Variants in RBM20 observed in about 807,000 individuals in gnomAD.
RBM20 encodes the protein RNA-binding protein 20.
A neutral mutation model predicts 110.1 loss-of-function variants in RBM20; 51 were observed. The ratio of observed to expected loss-of-function variants is 0.46; its 90% CI spans 0.37 to 0.59. The LOEUF (loss-of-function observed/expected upper bound fraction) is 0.59. RBM20 is among the 20% of genes least tolerant of loss of function. The pLI, the probability that RBM20 is intolerant of heterozygous loss-of-function variation, is 0.00. For missense variants in RBM20, 1,512 were observed against 1,574.9 expected (o/e 0.96, Z 0.68); for synonymous variants, 589 against 618.2 (o/e 0.95, Z 0.70).
chr10:110,674,870 T>G (rs1256453542), intron 1 of RBM20, among the ~76,000 whole-genome samples: 1 of 152,248 alleles, frequency 6.6e-6, no homozygotes, highest in Non-Finnish European at 1.5e-5. Flanking sequence ...TCTGTGTGTG[T>G]GCACACACTA....
At chr10:110,725,348 T>C (rs1843549661) in intron 1 of RBM20, among the ~76,000 whole-genome samples, 1 of 152,194 alleles carries the variant, frequency 6.6e-6, no homozygotes, top group African/African-American at 2.4e-5. Flanking sequence ...CCATGGACCC[T>C]TGTGGGGGAC....
At chr10:110,702,152 T>A (rs1862768890) in intron 1 of RBM20, among the ~76,000 whole-genome samples, 1 of 152,158 alleles carries the variant, frequency 6.6e-6, no homozygotes, top group African/African-American at 2.4e-5. Flanking sequence ...TGGGCAAAAG[T>A]GGGAAGTTGC....
At chr10:110,666,199 T>C (rs1224754435) in intron 1 of RBM20, among the ~76,000 whole-genome samples, 1 of 152,192 alleles carries the variant, frequency 6.6e-6, no homozygotes, top group Non-Finnish European at 1.5e-5. Context: ...TGGAAATCAT[T>C]ATATTATTCT....
At chr10:110,654,959 G>A (rs571421596) in intron 1 of RBM20, among the ~76,000 whole-genome samples, 3 of 152,242 alleles carry the variant, frequency 2.0e-5, no homozygotes, top group South Asian at 2.1e-4. Flanking sequence ...AATCCTGTGA[G>A]GTAAGTGTTG....
Position 110,701,039 on chromosome 10 carries a change from A to G in RBM20, c.191+56394A>G, listed in dbSNP as rs552668894. On this transcript the variant is annotated intron_variant, in intron 1 of 13. Transcript: ENST00000369519. The stretch of plus-strand genomic sequence containing the variant: ...CAAAAAAACAAAACAAAGCAAACAA[A>G]CAAACAAAAACCTCTCTTTGCTTCT... Among the ~76,000 whole-genome samples the G allele has an allele frequency of 5.3e-5, 8 of 152,162 alleles. No individual in the cohort carries two copies. The East Asian group carries it at 1.4e-3, about 26-fold the overall frequency.
At chr10:110,646,936 G>T (rs1861876931) in intron 1 of RBM20, among the ~76,000 whole-genome samples, 1 of 152,070 alleles carries the variant, frequency 6.6e-6, no homozygotes, top group African/African-American at 2.4e-5. Context: ...TATTATTAGA[G>T]AACCTCTATT....
intron 1 of RBM20, among the ~76,000 whole-genome samples, chr10:110,699,828 C>A (rs1040240263): frequency 6.6e-6 from 1 of 152,000 alleles, no homozygotes; most frequent in Admixed American, 6.6e-5. Flanking sequence ...TACTCTTGTG[C>A]GTTGGGGCCA....
At chr10:110,702,978 G>GT (rs1862780659) in intron 1 of RBM20, among the ~76,000 whole-genome samples, 2 of 145,550 alleles carry the variant, frequency 1.4e-5, no homozygotes, top group Non-Finnish European at 1.5e-5. Context: ...GTTTGGGGTG[G>GT]GTTTTTTTTC....
intron 5 of RBM20, among the ~76,000 whole-genome samples, chr10:110,786,488 G>A (rs1269011678): frequency 6.6e-6 from 1 of 152,216 alleles, no homozygotes; most frequent in African/African-American, 2.4e-5. Flanking sequence ...CTGTTTATTT[G>A]TGTGTGTTGA....
intron 1 of RBM20, among the ~76,000 whole-genome samples, chr10:110,700,300 TG>T (rs777706670): frequency 3.9e-5 from 6 of 152,170 alleles, no homozygotes; most frequent in Non-Finnish European, 8.8e-5. Flanking sequence ...TTTTTTCACT[TG>T]GGCGCTTCAG....
intron 1 of RBM20, among the ~76,000 whole-genome samples, chr10:110,763,194 G>C (rs556968498): frequency 6.6e-6 from 1 of 152,166 alleles, no homozygotes; most frequent in Non-Finnish European, 1.5e-5. Context: ...AAACATATCC[G>C]ACTGGCTTTC....
At chr10:110,827,796 GCTGCATAACCCTTTAGC>G (rs1845000777) in intron 12 of RBM20, 1 of 152,162 alleles carries the variant, frequency 6.6e-6, no homozygotes, top group South Asian at 2.1e-4. Context: ...TCTCACCGGG[GCTGCATAACCCTTTAGC>G]CTGCAGGACT....
chr10:110,761,849 G>A (rs1844009218), intron 1 of RBM20, among the ~76,000 whole-genome samples: 2 of 152,234 alleles, frequency 1.3e-5, no homozygotes, highest in African/African-American at 2.4e-5. Context: ...GGGGCCAGGT[G>A]TGCCATGTGC....
At position 110,831,128 on chromosome 10, in the gene RBM20, G is replaced by A; in HGVS notation, c.3519G>A (p.Glu1173=). The A allele has an allele frequency of 6.4e-7, 1 of 1,551,616 alleles. No individual in the cohort carries two copies. Among genetic ancestry groups the A allele is most frequent in the Non-Finnish European group, 8.7e-7 (1 of 1,146,928 alleles). The change falls in exon 13 of 14, where the codon GAG becomes GAA. Residue 1173 remains glutamate (E), a synonymous_variant. Transcript: ENST00000369519. ...TGTGTGGGCTGTTCTACACGAGCGA[G>A]GAGACAGCAAAGATGAGCCACTGCC... ...CKLCGLFYTS[E]ETAKMSHCRS...
chr10:110,706,172 ACCTTATTGCCTG>A (rs1249775118), intron 1 of RBM20, among the ~76,000 whole-genome samples: 3 of 152,112 alleles, frequency 2.0e-5, no homozygotes, highest in African/African-American at 7.2e-5. Flanking sequence ...ACAACATCCT[ACCTTATTGCCTG>A]CACTGGGGTA....
chr10:110,771,272 C>T (rs748096993), intron 1 of RBM20, among the ~76,000 whole-genome samples: 14 of 151,920 alleles, frequency 9.2e-5, no homozygotes, highest in Non-Finnish European at 1.9e-4. Context: ...ACTACAGGCG[C>T]GCACCACTAT....
At chr10:110,753,099 C>T (rs1021849437) in intron 1 of RBM20, among the ~76,000 whole-genome samples, 7 of 151,388 alleles carry the variant, frequency 4.6e-5, no homozygotes, top group South Asian at 2.1e-4. Flanking sequence ...CCACCATACC[C>T]GGCTAATTTT....
intron 1 of RBM20, among the ~76,000 whole-genome samples, chr10:110,755,792 G>T (rs569690930): frequency 6.6e-6 from 1 of 152,158 alleles, no homozygotes; most frequent in Non-Finnish European, 1.5e-5. Context: ...GTTTCCTCAA[G>T]GGGTAACTTT....
intron 1 of RBM20, among the ~76,000 whole-genome samples, chr10:110,693,443 T>G (rs1044171927): frequency 1.3e-5 from 2 of 152,234 alleles, no homozygotes; most frequent in African/African-American, 2.4e-5. Context: ...TCCTTATTTG[T>G]TATCGGTCTT....
Sources: allele counts gnomAD v4.1 joint callset (sites outside exome capture counted in the v4.1 genomes callset), GRCh38; gene constraint gnomAD v4.1.1; transcripts MANE v1.5; gene names NCBI Gene and HGNC (gene_info 2026-07-23, HGNC 2026-07-21).